The following PRTG variants were observed in gnomAD, a reference collection of about 807,000 sequenced individuals.
PRTG encodes protogenin.
PRTG carries 67 observed loss-of-function variants against 122.5 expected under a neutral mutation model. The ratio of observed to expected loss-of-function variants is 0.55; its 90% confidence interval spans 0.45 to 0.67. PRTG has a LOEUF of 0.67. Ranked by LOEUF, PRTG falls within the 30% of genes least tolerant of loss-of-function variation. The probability of loss-of-function intolerance (pLI) is 0.00; values close to 1 mark genes in which losing one functional copy is unlikely to be tolerated. For synonymous variants in PRTG, 554 were observed against 501.1 expected (o/e 1.11, Z -1.41); for missense variants, 1,435 against 1,415.4 (o/e 1.01, Z -0.22).
intron 13 of PRTG, 73 bp downstream of exon 13, chr15:55,639,569 G>C (rs953618635): frequency 3.7e-6 from 5 of 1,359,040 alleles, no homozygotes; most frequent in Non-Finnish European, 5.1e-6. Context: ...GCCCAAGATG[G>C]TAAGAGGTAG....
chr15:55,664,408 G>T (rs915298921), intron 11 of PRTG, among the ~76,000 whole-genome samples: 3 of 152,154 alleles, frequency 2.0e-5, no homozygotes, highest in South Asian at 2.1e-4. Context: ...CTCCCAAAGT[G>T]CTGGGATTAC....
intron 4 of PRTG, among the ~76,000 whole-genome samples, chr15:55,681,645 TA>T (rs2059538887): frequency 6.6e-6 from 1 of 152,212 alleles, no homozygotes; most frequent in African/African-American, 2.4e-5. Context: ...AGAAGCTTTA[TA>T]TTTTCTATTT....
At chr15:55,694,403 A>G (rs2059621182) in intron 2 of PRTG, among the ~76,000 whole-genome samples, 1 of 152,038 alleles carries the variant, frequency 6.6e-6, no homozygotes, top group South Asian at 2.1e-4. Context: ...AGTTCTTTTA[A>G]CTTCTCACTC....
At chr15:55,680,469 T>G in intron 5 of PRTG, 22 bp downstream of exon 5, 2 of 1,552,292 alleles carry the variant, frequency 1.3e-6, no homozygotes, top group Non-Finnish European at 1.7e-6. Context: ...AGACTTTTTT[T>G]TTTTTTCCTG....
intron 2 of PRTG, among the ~76,000 whole-genome samples, chr15:55,736,480 C>T (rs530164720): frequency 6.6e-5 from 10 of 151,604 alleles, no homozygotes; most frequent in East Asian, 1.9e-4. Context: ...CTTTTTAATA[C>T]GCAAGCCTCA....
At chr15:55,639,952 T>TGTA (rs2059280428) in intron 12 of PRTG, 124 bp from the exon 13 acceptor site, 2 of 1,475,968 alleles carry the variant, frequency 1.4e-6, no homozygotes, top group East Asian at 4.9e-5. Flanking sequence ...CCACCAGAGA[T>TGTA]TCATAGTGAT....
At position 55,618,836 on chromosome 15, in the gene PRTG, T is replaced by C. The variant is rs1438008226; in HGVS notation, c.*1176A>G. 6.6e-6 allele frequency: 1 copy of C among 152,184 alleles called. No homozygotes were observed. The highest frequency in any genetic ancestry group is 1.5e-5 in the Non-Finnish European group (1 of 68,042). The allele number at this position is 152,184 out of a possible 1,614,324, so 9.4% of individuals were successfully genotyped here. On this transcript the variant is annotated 3_prime_UTR_variant, in exon 20 of 20. Transcript: ENST00000389286. ...GTACTCCTGTTCCTAAACAATTTCA[T>C]GAATATTAAAAAGGTATAAGGCAAA... is the stretch of plus-strand genomic sequence containing the variant.
At chr15:55,692,596 A>T (rs1398370882) in intron 2 of PRTG, among the ~76,000 whole-genome samples, 1 of 152,130 alleles carries the variant, frequency 6.6e-6, no homozygotes, top group Non-Finnish European at 1.5e-5. Context: ...AAACTGGGAA[A>T]CTGTAAAATT....
At chr15:55,705,091 G>A (rs1400555169) in intron 2 of PRTG, among the ~76,000 whole-genome samples, 9 of 152,084 alleles carry the variant, frequency 5.9e-5, no homozygotes, top group African/African-American at 2.2e-4. Context: ...TATAATTAGG[G>A]AAATATGTTC....
At chr15:55,673,339 C>A in intron 10 of PRTG, 32 bp downstream of exon 10, 2 of 1,477,146 alleles carry the variant, frequency 1.4e-6, no homozygotes, top group South Asian at 2.6e-5. Flanking sequence ...AGTAAAAATA[C>A]TGTATTTTCT....
rs909206343 is a variant in PRTG at position 55,641,316 on chromosome 15, A to G, written c.2042-108T>C. 5.9e-6 allele frequency: 4 copies of G among 681,298 alleles called. No homozygotes were observed. In the Admixed American group the frequency reaches 8.3e-5, roughly 14 times the overall value. The allele number at this position is 681,298 out of a possible 1,614,324, so 42.2% of individuals were successfully genotyped here. ...GGTTTAAAAACCTGCTGAATGCATA[A>G]AAGTTCTCAGTAATATAAAATTACT... is the stretch of plus-strand genomic sequence containing the variant. On this transcript the variant is annotated intron_variant, in intron 11 of 19. Coordinates refer to ENST00000389286, the MANE Select transcript of PRTG (RefSeq NM_173814.6).
At chr15:55,718,219 GA>G (rs1446897415) in intron 2 of PRTG, among the ~76,000 whole-genome samples, 1 of 152,084 alleles carries the variant, frequency 6.6e-6, no homozygotes, top group East Asian at 1.9e-4. Context: ...CAAATAGCCA[GA>G]AAACGGCACT....
chr15:55,628,763 G>C, intron 16 of PRTG, 59 bp downstream of exon 16: 2 of 1,376,532 alleles, frequency 1.5e-6, no homozygotes, highest in Non-Finnish European at 2.0e-6. Flanking sequence ...GAAATAATGT[G>C]TAAGGAAGAA....
rs771824232 is a variant in PRTG at position 55,626,993 on chromosome 15, G to C, written c.2927+15C>G. The C allele has an allele frequency of 4.4e-6, 7 of 1,591,096 alleles. No homozygotes were observed. In the Admixed American group the frequency reaches 1.3e-4, roughly 29 times the overall value. On this transcript the variant is annotated intron_variant, in intron 17 of 19. Transcript: ENST00000389286. Reference sequence around the variant, plus strand: ...AATGTTTTTCACCTCAACATCTCTAGCAATGGAAACACACCTGGCTTTACT... The same window carrying C: ...AATGTTTTTCACCTCAACATCTCTACCAATGGAAACACACCTGGCTTTACT...
intron 6 of PRTG, chr15:55,679,703 A>G (rs945663731): frequency 1.2e-5 from 5 of 426,332 alleles, no homozygotes; most frequent in Non-Finnish European, 2.1e-5. Context: ...CTTCTTAACT[A>G]AGAACAATAT....
chr15:55,725,431 AAAAAATACGAAAAAATC>A (rs2030991067), intron 2 of PRTG, among the ~76,000 whole-genome samples: 2 of 152,208 alleles, frequency 1.3e-5, no homozygotes, highest in South Asian at 4.1e-4. Context: ...TTATCTCTAT[AAAAAATACGAAAAAATC>A]AGCCGGGCAT....
chr15:55,664,642 G>A (rs1395985920), intron 11 of PRTG, among the ~76,000 whole-genome samples: 1 of 152,002 alleles, frequency 6.6e-6, no homozygotes, highest in Non-Finnish European at 1.5e-5. Flanking sequence ...TGGCTGGAGT[G>A]CAGTGATGCA....
chr15:55,718,076 C>CT (rs1265504509), intron 2 of PRTG, among the ~76,000 whole-genome samples: 3 of 152,092 alleles, frequency 2.0e-5, no homozygotes, highest in South Asian at 4.2e-4. Context: ...GGTAAGCGGC[C>CT]TTTTTTTTAC....
chr15:55,633,419 A>T (rs2059238860), intron 15 of PRTG, among the ~76,000 whole-genome samples: 1 of 152,124 alleles, frequency 6.6e-6, no homozygotes, highest in Non-Finnish European at 1.5e-5. Context: ...ATTTCATATG[A>T]TGTTTCTGCT....
Sources: allele counts gnomAD v4.1 joint callset (sites outside exome capture counted in the v4.1 genomes callset), GRCh38; gene constraint gnomAD v4.1.1; transcripts MANE v1.5; gene names NCBI Gene and HGNC (gene_info 2026-07-23, HGNC 2026-07-21).